PLCB3: variants seen among roughly 807,000 people sequenced by gnomAD.
The protein encoded by PLCB3 is phospholipase C beta 3.
A neutral mutation model predicts 152.1 loss-of-function variants in PLCB3; 54 were observed. The ratio of observed to expected loss-of-function variants is 0.36; its 90% CI spans 0.29 to 0.45. The LOEUF (loss-of-function observed/expected upper bound fraction) is 0.45. Among genes scored for constraint, PLCB3 ranks in the 20% least tolerant of loss-of-function variants. The pLI, the probability that PLCB3 is intolerant of heterozygous loss-of-function variation, is 1.00. For synonymous variants in PLCB3, 717 were observed against 698.7 expected (o/e 1.03, Z -0.41); for missense variants, 1,248 against 1,687.5 (o/e 0.74, Z 4.56).
Position 64,266,866 on chromosome 11 carries a change from C to A in PLCB3, c.3414+314C>A, listed in dbSNP as rs1186025859. ...CCAGGCTGGAGTGCAGTGGCGCGAT[C>A]TTGGCTCACTGCAACCTCTTGGGTT... is the stretch of plus-strand genomic sequence containing the variant. On this transcript the variant is annotated intron_variant, in intron 29 of 30. Transcript: ENST00000279230. This position sits in a 1 kb window ranked among gnomAD's most constrained non-coding sequence, Gnocchi z 4.9. Among the ~76,000 whole-genome samples the A allele has an allele frequency of 1.3e-5, 2 of 152,280 alleles. No individual in the cohort carries two copies. Among genetic ancestry groups the A allele is most frequent in the East Asian group, 3.9e-4 (2 of 5,188 alleles).
At chr11:64,259,678 A>G (rs2031740404) in intron 13 of PLCB3, among the ~76,000 whole-genome samples, 1 of 152,004 alleles carries the variant, frequency 6.6e-6, no homozygotes, top group Non-Finnish European at 1.5e-5. Context: ...CCCTCCTTAG[A>G]CATGGCTCTG....
At chr11:64,262,860 G>T (rs374078332) in intron 19 of PLCB3, 52 bp downstream of exon 19, 1 of 1,560,976 alleles carries the variant, frequency 6.4e-7, no homozygotes. Flanking sequence ...AGCCCAGACC[G>T]CCCCGACTCT....
intron 13 of PLCB3, 37 bp downstream of exon 13, chr11:64,259,281 C>T: frequency 6.9e-7 from 1 of 1,441,682 alleles, no homozygotes; most frequent in Non-Finnish European, 9.2e-7. Flanking sequence ...TGACTTGACC[C>T]TAGCCTCTGG....
At chr11:64,262,906 G>C in intron 19 of PLCB3, 98 bp downstream of exon 19, 1 of 1,292,852 alleles carries the variant, frequency 7.7e-7, no homozygotes, top group Non-Finnish European at 1.1e-6. Context: ...CACCGTTGGC[G>C]ACTGGGGATC....
rs1465815196 is a variant in PLCB3 at position 64,264,967 on chromosome 11, A to G, written c.2669A>G (p.Glu890Gly). 1 of 1,613,068 alleles carries G rather than the reference A, an allele frequency of 6.2e-7. No individual in the cohort carries two copies. Among genetic ancestry groups the G allele is most frequent in the Non-Finnish European group, 8.5e-7 (1 of 1,179,890 alleles). The change falls in exon 23 of 31, where the codon GAG becomes GGG. Residue 890 changes from glutamate (E) to glycine (G), a missense_variant. Coordinates refer to ENST00000279230, the MANE Select transcript of PLCB3 (RefSeq NM_000932.5). ...TCCCTATAGGCTCAGGCTGGCCAAG[A>G]GACGTGCCAGGACACCCAGTCTCAG... ...IGESEAQAGQ[E>G]TCQDTQSQQL...
chr11:64,263,728 A>T lies in PLCB3; in HGVS notation c.2493A>T (p.Gln831His), dbSNP rs1251623441. Residue 831 changes from glutamine to histidine, a missense_variant, in exon 21 of 31, where the codon CAA (glutamine) becomes CAT (histidine). By Grantham distance (24) the Gln-to-His change is conservative. Transcript: ENST00000279230. ...HYVCLRNEAN[Q>H]PLCLPALLIY... ...TCTGCCTGCGGAACGAGGCCAACCA[A>T]CCGCTGTGCCTGCCGGCCCTGCTCA... is the stretch of plus-strand genomic sequence containing the variant. The T allele has an allele frequency of 1.2e-6, 2 of 1,612,522 alleles. No individual in the cohort carries two copies. The highest frequency in any genetic ancestry group is 1.7e-6 in the Non-Finnish European group (2 of 1,179,700).
rs758414437 is a variant in PLCB3, at chr11:64,264,123, G to A, written c.2652+11G>A. 2 of 1,511,762 alleles carry A rather than the reference G, an allele frequency of 1.3e-6. No homozygotes were observed. The highest frequency in any genetic ancestry group is 4.6e-5 in the East Asian group (2 of 43,776). 93.6% of individuals were successfully genotyped at this position (1,511,762 alleles called of 1,614,324 possible). On this transcript the variant is annotated intron_variant, in intron 22 of 30. Coordinates refer to ENST00000279230, the MANE Select transcript of PLCB3 (RefSeq NM_000932.5). Reference sequence around the variant, plus strand: ...ATTGGGGAGAGTGAGGTGAGCCGGGGCAGGGCAGGGCTCAGGCTCACTGTG... The same window carrying A: ...ATTGGGGAGAGTGAGGTGAGCCGGGACAGGGCAGGGCTCAGGCTCACTGTG...
At position 64,264,937 on chromosome 11, in the gene PLCB3, C is replaced by T; in HGVS notation, c.2653-14C>T. 1 of 1,612,702 alleles carries T rather than the reference C, an allele frequency of 6.2e-7. No individual in the cohort carries two copies. Among genetic ancestry groups the T allele is most frequent in the Non-Finnish European group, 8.5e-7 (1 of 1,179,436 alleles). ...CAGCATTTCTGAAAAGAGCATTCTC[C>T]TTTCTCCCTATAGGCTCAGGCTGGC... is the stretch of plus-strand genomic sequence containing the variant. On this transcript the variant is annotated splice_polypyrimidine_tract_variant and intron_variant, in intron 22 of 30. Transcript: ENST00000279230.
rs531264145 is a variant in PLCB3 at position 64,260,506 on chromosome 11, C to A, written c.1731+272C>A. Among the ~76,000 whole-genome samples, 14 of 151,798 alleles carry A rather than the reference C, an allele frequency of 9.2e-5. No individual in the cohort carries two copies. The East Asian group carries it at 2.7e-3, about 29-fold the overall frequency. ...GCAGGGAGGTGGGGCAGGGAGACCT[C>A]AGGAAGGGGGACAGCATGTACAAAG... On this transcript the variant is annotated intron_variant, in intron 14 of 30. Transcript: ENST00000279230.
In PLCB3 at chr11:64,259,100, G is replaced by T. The variant is rs765532483; in HGVS notation, c.1381G>T (p.Gly461Cys). 17 of 1,612,506 alleles carry T rather than the reference G, an allele frequency of 1.1e-5. No homozygotes were observed. Among genetic ancestry groups the T allele is most frequent in the African/African-American group, 1.3e-5 (1 of 74,868 alleles). ...CCTGCCCAGCCCCCAGGACCTGATG[G>T]GCCGTATCCTGGTGAAGAACAAGAA... ...VPLPSPQDLM[G>C]RILVKNKKRH... Residue 461 changes from glycine to cysteine, a missense_variant, in exon 13 of 31, where the codon GGC becomes TGC. Coordinates refer to ENST00000279230, the MANE Select transcript of PLCB3 (RefSeq NM_000932.5).
Position 64,259,226 on chromosome 11 carries a change from C to G in PLCB3, c.1507C>G (p.Pro503Ala). The G allele has an allele frequency of 6.5e-7, 1 of 1,545,312 alleles. No individual in the cohort carries two copies. Among genetic ancestry groups the G allele is most frequent in the East Asian group, 2.4e-5 (1 of 41,544 alleles). The change falls in exon 13 of 31, where the codon CCC (proline) becomes GCC (alanine). Residue 503 changes from proline (P) to alanine (A), a missense_variant. Pro to Ala is a conservative substitution (Grantham distance 27). Around this residue, in one of 6 missense-constraint regions of PLCB3, gnomAD observed 105 missense variants for 100.9 expected, o/e 1.04. Coordinates refer to ENST00000279230, the MANE Select transcript of PLCB3 (RefSeq NM_000932.5). ...ALSESSAATE[P>A]SSPQLGSPSS... ...GAGCGAGAGCTCCGCGGCCACCGAGCCCTCCTCCCCGCAGCTGGGTAGGCC... is the reference window on the plus strand; with the variant it reads ...GAGCGAGAGCTCCGCGGCCACCGAGGCCTCCTCCCCGCAGCTGGGTAGGCC...
Position 64,265,501 on chromosome 11 carries a change from C to A in PLCB3, c.3034C>A (p.Leu1012Ile). ...CAGGTGCCGGCTGCGGCCAGGTGCC[C>A]TGTGAGTGTCTGGGCCGCCTGTGTG... is the stretch of plus-strand genomic sequence containing the variant. ...EGRCRLRPGA[L>I]GGAADVEDTK... The change falls in exon 25 of 31, where the codon CTA becomes ATA. Residue 1012 changes from leucine (L) to isoleucine (I), a missense_variant and splice_region_variant. Around this residue, in one of 6 missense-constraint regions of PLCB3, gnomAD observed 477 missense variants for 489.6 expected, o/e 0.97. Transcript: ENST00000279230. 1 of 1,595,476 alleles carries A rather than the reference C, an allele frequency of 6.3e-7. No homozygotes were observed.
chr11:64,261,260 C>A, intron 14 of PLCB3, 140 bp from the exon 15 acceptor site: 2 of 695,142 alleles, frequency 2.9e-6, no homozygotes, highest in East Asian at 2.7e-5. Context: ...AGTGAGACCC[C>A]GGGGAGAAGA....
At chr11:64,251,782 C>A in intron 1 of PLCB3, 34 bp downstream of exon 1, 1 of 1,246,894 alleles carries the variant, frequency 8.0e-7, no homozygotes, top group South Asian at 1.8e-5. Flanking sequence ...GCCCAAATCC[C>A]GGGACTCTTT....
At position 64,260,067 on chromosome 11, in the gene PLCB3, G is replaced by A. The variant is rs779096700; in HGVS notation, c.1564G>A (p.Gly522Arg). 3.7e-6 allele frequency: 6 copies of A among 1,612,134 alleles called. No homozygotes were observed. The South Asian group carries it at 6.6e-5, about 18-fold the overall frequency. ...SSDSCPGLSN[G>R]EEVGLEKPSL... The stretch of plus-strand genomic sequence containing the variant: ...TGACAGCTGCCCAGGCCTGAGCAAT[G>A]GGGAGGAGGTAGGGCTTGAGAAGCC... Residue 522 changes from glycine (G) to arginine (R), a missense_variant, in exon 14 of 31, where the codon GGG becomes AGG. Coordinates refer to ENST00000279230, the MANE Select transcript of PLCB3 (RefSeq NM_000932.5).
intron 21 of PLCB3, 24 bp from the exon 22 acceptor site, chr11:64,263,997 C>A (rs756034788): frequency 1.3e-6 from 2 of 1,549,452 alleles, no homozygotes; most frequent in African/African-American, 2.7e-5. Context: ...GTCTCTGAGA[C>A]CTTGGCCTTC....
At chr11:64,265,163 C>A in intron 23 of PLCB3, 29 bp from the exon 24 acceptor site, 1 of 1,578,260 alleles carries the variant, frequency 6.3e-7, no homozygotes, top group Non-Finnish European at 8.6e-7. Flanking sequence ...CCCTGTCCTC[C>A]AGCTCCTCAC....
chr11:64,260,120 T>C lies in PLCB3; in HGVS notation c.1617T>C (p.Gly539=), dbSNP rs371699753. ...GCCTGGAGCCTCAGAAGTCTCTGGG[T>C]GACGAGGGCCTGAACCGAGGCCCCT... ...KPSLEPQKSL[G]DEGLNRGPYV... is the part of the protein sequence containing the mutation. Residue 539 remains glycine, a synonymous_variant, in exon 14 of 31, where the codon GGT becomes GGC. Transcript: ENST00000279230. 39 of 1,611,628 alleles carry C rather than the reference T, an allele frequency of 2.4e-5. No homozygotes were observed. In the South Asian group the frequency reaches 3.1e-4, roughly 13 times the overall value.
Position 64,266,681 on chromosome 11 carries a change from GC to G in PLCB3, c.3414+133del. 1 of 855,510 alleles carries G rather than the reference GC, an allele frequency of 1.2e-6. No individual in the cohort carries two copies. Among genetic ancestry groups the G allele is most frequent in the Non-Finnish European group, 1.9e-6 (1 of 522,602 alleles). 53.0% of individuals were successfully genotyped at this position (855,510 alleles called of 1,614,324 possible). ...TAGGGCCTTTCTCAAGTGCCCAACA[GC>G]CCCAGGGTACCCACATCATACCCAA... On this transcript the variant is annotated intron_variant, in intron 29 of 30. Transcript: ENST00000279230. The surrounding 1 kb of genome is among the most constrained non-coding windows in gnomAD (Gnocchi z 4.9).
Sources: allele counts gnomAD v4.1 joint callset (sites outside exome capture counted in the v4.1 genomes callset), GRCh38; gene constraint gnomAD v4.1.1; regional missense constraint gnomAD v4.1.1; non-coding constraint Gnocchi (gnomAD v3.1); transcripts MANE v1.5; gene names NCBI Gene and HGNC (gene_info 2026-07-23, HGNC 2026-07-21).